CYP19A1: variants seen among roughly 807,000 people sequenced by gnomAD.
CYP19A1 encodes the protein cytochrome P450 family 19 subfamily A member 1, also known as aromatase.
Under a neutral mutation model 44.4 loss-of-function variants are expected in CYP19A1, and 32 were observed. The ratio of observed to expected loss-of-function variants is 0.72; its 90% CI spans 0.54 to 0.97. The LOEUF is 0.97. CYP19A1 is among the 50% of genes least tolerant of loss of function. CYP19A1 has a pLI of 0.00. For synonymous variants in CYP19A1, 212 were observed against 215.6 expected (o/e 0.98, Z 0.14); for missense variants, 598 against 637.8 (o/e 0.94, Z 0.67).
chr15:51,304,252 C>T (rs1266007365), intron 1 of CYP19A1, among the ~76,000 whole-genome samples: 1 of 152,176 alleles, frequency 6.6e-6, no homozygotes, highest in Non-Finnish European at 1.5e-5. Flanking sequence ...TGGCCCCACT[C>T]CCTGGTGCTA....
chr15:51,296,998 C>G (rs541841597), intron 1 of CYP19A1, among the ~76,000 whole-genome samples: 2 of 152,252 alleles, frequency 1.3e-5, no homozygotes, highest in South Asian at 4.1e-4. Flanking sequence ...TTCTGTGAGG[C>G]CCTGGTTAAA....
At chr15:51,279,243 T>C (rs2035432387) in intron 1 of CYP19A1, 1 of 152,180 alleles carries the variant, frequency 6.6e-6, no homozygotes. Context: ...GCCTCCAAAG[T>C]GCTTGCCATT....
chr15:51,291,719 G>T (rs2035850814), intron 1 of CYP19A1, among the ~76,000 whole-genome samples: 1 of 152,176 alleles, frequency 6.6e-6, no homozygotes, highest in Non-Finnish European at 1.5e-5. Flanking sequence ...TTGCAGAGTG[G>T]TTATCATGGA....
intron 1 of CYP19A1, among the ~76,000 whole-genome samples, chr15:51,251,257 A>C (rs926492555): frequency 6.6e-6 from 1 of 152,132 alleles, no homozygotes; most frequent in Non-Finnish European, 1.5e-5. Context: ...AAGGTCCCCA[A>C]GTGGATACAC....
intron 1 of CYP19A1, chr15:51,320,429 C>G (rs923894209): frequency 2.0e-5 from 3 of 152,374 alleles, no homozygotes; most frequent in Non-Finnish European, 2.9e-5. Flanking sequence ...TTTTATCTGG[C>G]TGAGGCAAGG....
Position 51,215,063 on chromosome 15 carries a change from T to C in CYP19A1, c.1021+7A>G. The C allele has an allele frequency of 6.2e-7, 1 of 1,611,520 alleles. No homozygotes were observed. Reference sequence around the variant, plus strand: ...TAAGATGTATTATTTATTTGATAAATTCTTACCAATAACAGTCTGGATTTC... The same window carrying C: ...TAAGATGTATTATTTATTTGATAAACTCTTACCAATAACAGTCTGGATTTC... On this transcript the variant is annotated splice_region_variant and intron_variant, in intron 8 of 9. Coordinates refer to ENST00000396402, the MANE Select transcript of CYP19A1 (RefSeq NM_000103.4).
At chr15:51,336,344 TGAAAGAATAAAA>T (rs2036774429) in intron 1 of CYP19A1, among the ~76,000 whole-genome samples, 1 of 152,060 alleles carries the variant, frequency 6.6e-6, no homozygotes, top group Non-Finnish European at 1.5e-5. Flanking sequence ...AATGAATACA[TGAAAGAATAAAA>T]GAAAGAAAAA....
At chr15:51,298,792 A>T (rs1030051669) in intron 1 of CYP19A1, among the ~76,000 whole-genome samples, 1 of 152,228 alleles carries the variant, frequency 6.6e-6, no homozygotes, top group Non-Finnish European at 1.5e-5. Context: ...ATCCCACATT[A>T]GCTACTGCTG....
intron 2 of CYP19A1, among the ~76,000 whole-genome samples, chr15:51,241,318 G>T (rs556266300): frequency 1.3e-5 from 2 of 152,316 alleles, no homozygotes; most frequent in South Asian, 4.1e-4. Context: ...TGAAGAGTCT[G>T]AGTCAAAAAG....
chr15:51,284,674 A>G (rs2035638822), intron 1 of CYP19A1, among the ~76,000 whole-genome samples: 1 of 152,238 alleles, frequency 6.6e-6, no homozygotes, highest in Non-Finnish European at 1.5e-5. Context: ...AAAATTTTTA[A>G]ATTTACAAAA....
intron 1 of CYP19A1, among the ~76,000 whole-genome samples, chr15:51,294,861 CG>C (rs1044464590): frequency 1.3e-5 from 2 of 151,672 alleles, no homozygotes; most frequent in African/African-American, 4.9e-5. Context: ...ATGACAATGG[CG>C]GTTTTGTGGA....
intron 1 of CYP19A1, among the ~76,000 whole-genome samples, chr15:51,267,180 A>C (rs2034950793): frequency 6.6e-6 from 1 of 152,136 alleles, no homozygotes; most frequent in South Asian, 2.1e-4. Context: ...GGACGCTTTC[A>C]GGAGCAAAAC....
At chr15:51,289,456 C>G (rs1404832969) in intron 1 of CYP19A1, among the ~76,000 whole-genome samples, 3 of 152,168 alleles carry the variant, frequency 2.0e-5, no homozygotes, top group Admixed American at 2.0e-4. Context: ...CACACTCTCA[C>G]CCACAGGGAC....
intron 1 of CYP19A1, among the ~76,000 whole-genome samples, chr15:51,325,906 C>G (rs1025770910): frequency 2.6e-5 from 4 of 151,262 alleles, no homozygotes; most frequent in Non-Finnish European, 5.9e-5. Context: ...CATAGCTTAG[C>G]CCAGCCTACC....
At chr15:51,212,186 T>C in intron 9 of CYP19A1, 134 bp downstream of exon 9, 1 of 772,872 alleles carries the variant, frequency 1.3e-6, no homozygotes, top group Non-Finnish European at 2.4e-6. Context: ...GGGACGTGTG[T>C]GCTCCTGGTG....
intron 1 of CYP19A1, among the ~76,000 whole-genome samples, chr15:51,260,865 C>G (rs1246454547): frequency 6.6e-6 from 1 of 152,200 alleles, no homozygotes; most frequent in African/African-American, 2.4e-5. Context: ...TGTTTGGGTC[C>G]TCTCTCCTTG....
chr15:51,308,356 TC>T (rs1308395595), intron 1 of CYP19A1, among the ~76,000 whole-genome samples: 1 of 152,242 alleles, frequency 6.6e-6, no homozygotes, highest in African/African-American at 2.4e-5. Flanking sequence ...GAGGAAAATG[TC>T]CTGGGAAATA....
intron 1 of CYP19A1, among the ~76,000 whole-genome samples, chr15:51,295,826 C>T (rs1025373890): frequency 1.3e-5 from 2 of 152,134 alleles, no homozygotes; most frequent in African/African-American, 4.8e-5. Flanking sequence ...TTAGGAAGTC[C>T]TGGCAGCACG....
intron 1 of CYP19A1, among the ~76,000 whole-genome samples, chr15:51,284,526 G>A (rs1249775863): frequency 6.6e-6 from 1 of 152,180 alleles, no homozygotes; most frequent in African/African-American, 2.4e-5. Context: ...GCAACAATGG[G>A]ATGCTGAAAT....
Sources: allele counts gnomAD v4.1 joint callset (sites outside exome capture counted in the v4.1 genomes callset), GRCh38; gene constraint gnomAD v4.1.1; transcripts MANE v1.5; gene names NCBI Gene and HGNC (gene_info 2026-07-23, HGNC 2026-07-21).